ARHGAP24: variants seen among roughly 807,000 people sequenced by gnomAD.
ARHGAP24 encodes the protein rho GTPase-activating protein 24.
Under a neutral mutation model 76.4 loss-of-function variants are expected in ARHGAP24, and 50 were observed. That is an observed-to-expected ratio of 0.65 (90% CI 0.52 to 0.83). The LOEUF is 0.83. Ranked by LOEUF, ARHGAP24 falls within the 40% of genes least tolerant of loss-of-function variation. The probability of loss-of-function intolerance (pLI) is 0.00; values close to 1 mark genes in which losing one functional copy is unlikely to be tolerated. For synonymous variants in ARHGAP24, 345 were observed against 323.3 expected, an observed-to-expected ratio of 1.07 and a Z score of -0.72; for missense variants, 930 against 914.2, an observed-to-expected ratio of 1.02 and a Z score of -0.22.
At chr4:85,532,871 T>C (rs906066133) in intron 1 of ARHGAP24, among the ~76,000 whole-genome samples, 1 of 151,828 alleles carries the variant, frequency 6.6e-6, no homozygotes, top group African/African-American at 2.4e-5. Context: ...GGAAAGCTTC[T>C]GAGTTCCTTA....
intron 3 of ARHGAP24, among the ~76,000 whole-genome samples, chr4:85,831,805 G>C (rs1201334673): frequency 1.3e-5 from 2 of 151,652 alleles, no homozygotes; most frequent in Non-Finnish European, 2.9e-5. Flanking sequence ...GGGAGGCTGA[G>C]GTGTGATAAT....
chr4:85,637,128 C>G (rs1286735737), intron 2 of ARHGAP24, among the ~76,000 whole-genome samples: 1 of 152,054 alleles, frequency 6.6e-6, no homozygotes, highest in Non-Finnish European at 1.5e-5. Flanking sequence ...CCTAGAAGTG[C>G]ATGCATTTTT....
chr4:85,972,279 A>G (rs181352474), intron 6 of ARHGAP24, 111 bp downstream of exon 6: 615 of 1,408,196 alleles, frequency 4.4e-4, no homozygotes, highest in Admixed American at 1.5e-3. Flanking sequence ...ACTCTCCACT[A>G]TCCTTTGAAT....
chr4:85,627,523 G>A (rs1721005200), intron 2 of ARHGAP24, among the ~76,000 whole-genome samples: 1 of 152,196 alleles, frequency 6.6e-6, no homozygotes. Flanking sequence ...AGTGGTCAGG[G>A]AGCCACTTGA....
intron 3 of ARHGAP24, among the ~76,000 whole-genome samples, chr4:85,781,792 G>A (rs1727567313): frequency 6.6e-6 from 1 of 152,054 alleles, no homozygotes; most frequent in Non-Finnish European, 1.5e-5. Context: ...CCAGCACTTT[G>A]GGAGGCCAAG....
intron 3 of ARHGAP24, among the ~76,000 whole-genome samples, chr4:85,753,100 C>T (rs957428469): frequency 6.6e-6 from 1 of 152,102 alleles, no homozygotes; most frequent in African/African-American, 2.4e-5. Flanking sequence ...GATAAGATAT[C>T]TTCTGACACC....
At chr4:85,971,981 A>G (rs1449405312) in intron 5 of ARHGAP24, 55 bp from the exon 6 acceptor site, 1 of 1,613,188 alleles carries the variant, frequency 6.2e-7, no homozygotes, top group Non-Finnish European at 8.5e-7. Context: ...AAAACAATAA[A>G]TAGAATGGTA....
At chr4:85,705,514 T>C (rs2110030028) in intron 2 of ARHGAP24, among the ~76,000 whole-genome samples, 1 of 152,356 alleles carries the variant, frequency 6.6e-6, no homozygotes, top group South Asian at 2.1e-4. Context: ...AGCAACATTT[T>C]AGAACCTTTT....
chr4:85,787,474 A>G (rs1275261300), intron 3 of ARHGAP24, among the ~76,000 whole-genome samples: 2 of 152,258 alleles, frequency 1.3e-5, no homozygotes, highest in South Asian at 2.1e-4. Flanking sequence ...CTTTGCTCCA[A>G]TCCCATTTAT....
intron 3 of ARHGAP24, among the ~76,000 whole-genome samples, chr4:85,730,936 T>G (rs1725374942): frequency 6.6e-6 from 1 of 151,704 alleles, no homozygotes; most frequent in Non-Finnish European, 1.5e-5. Flanking sequence ...TGTCAGGCCC[T>G]GTACTGATAT....
chr4:85,766,985 C>T (rs1726952791), intron 3 of ARHGAP24, among the ~76,000 whole-genome samples: 1 of 152,154 alleles, frequency 6.6e-6, no homozygotes, highest in Admixed American at 6.5e-5. Flanking sequence ...TTTGGATACA[C>T]AGTATTTACC....
rs190881789 is a variant in ARHGAP24, at chr4:85,666,512, G to A, written c.181-55373G>A. Reference sequence around the variant, plus strand: ...TCTCAACTCGTCAAAGTCATTCTCCGTCCAGCTTTATTCCATTGCTGGTGA... The same window carrying A: ...TCTCAACTCGTCAAAGTCATTCTCCATCCAGCTTTATTCCATTGCTGGTGA... On this transcript the variant is annotated intron_variant, in intron 2 of 9. Coordinates refer to ENST00000395184, the MANE Select transcript of ARHGAP24 (RefSeq NM_001025616.3). Among the ~76,000 whole-genome samples the A allele has an allele frequency of 9.7e-4, 148 of 152,208 alleles. 2 individuals are homozygous for A. The highest frequency in any genetic ancestry group is 2.3e-3 in the South Asian group (11 of 4,820).
At chr4:85,717,433 T>C (rs1172530731) in intron 2 of ARHGAP24, among the ~76,000 whole-genome samples, 2 of 152,154 alleles carry the variant, frequency 1.3e-5, no homozygotes, top group Admixed American at 6.6e-5. Context: ...AATCTCCATC[T>C]GCTTTGCGCA....
chr4:85,677,241 C>T (rs1245727389), intron 2 of ARHGAP24, among the ~76,000 whole-genome samples: 1 of 152,154 alleles, frequency 6.6e-6, no homozygotes, highest in Non-Finnish European at 1.5e-5. Flanking sequence ...AGCTTTTAAT[C>T]CTCCATTTAT....
At chr4:85,512,873 G>A (rs1485866230) in intron 1 of ARHGAP24, among the ~76,000 whole-genome samples, 3 of 152,150 alleles carry the variant, frequency 2.0e-5, no homozygotes, top group South Asian at 2.1e-4. Context: ...TGAATTCAAG[G>A]CAAATTAAAC....
At chr4:85,745,417 A>ATATATATAGTAG (rs1725994303) in intron 3 of ARHGAP24, among the ~76,000 whole-genome samples, 1 of 15,566 alleles carries the variant, frequency 6.4e-5, no homozygotes, top group Non-Finnish European at 5.0e-4. Context: ...GTATATATAC[A>ATATATATAGTAG]TATATATAAT....
At chr4:85,789,171 C>G (rs1038404771) in intron 3 of ARHGAP24, among the ~76,000 whole-genome samples, 21 of 150,112 alleles carry the variant, frequency 1.4e-4, no homozygotes, top group African/African-American at 4.7e-4. Flanking sequence ...GAGTTAATTA[C>G]CCTTGGTCAA....
In ARHGAP24 at chr4:85,930,002, T is replaced by C. The variant is rs116271333; in HGVS notation, c.391+6232T>C. ...AAAGTCAAAAGAAAAAGAAAGGAGT[T>C]TGTACCGTAGCGTGGCATTCTCCCT... On this transcript the variant is annotated intron_variant, in intron 4 of 9. Coordinates refer to ENST00000395184, the MANE Select transcript of ARHGAP24 (RefSeq NM_001025616.3). Among the ~76,000 whole-genome samples the C allele has an allele frequency of 4.1e-3, 617 of 152,260 alleles. 7 individuals carry two copies. The highest frequency in any genetic ancestry group is 6.8e-3 in the Admixed American group (104 of 15,300).
chr4:85,622,160 A>G lies in ARHGAP24; in HGVS notation c.180+51439A>G, dbSNP rs370863244. Among the ~76,000 whole-genome samples the G allele has an allele frequency of 1.1e-4, 16 of 151,834 alleles. No individual in the cohort carries two copies. In the East Asian group the frequency reaches 2.9e-3, roughly 28 times the overall value. ...TGTGCACAACATGCAGGTTTGTTAC[A>G]TATGTATATATGGTCCATGTTGGTG... On this transcript the variant is annotated intron_variant, in intron 2 of 9. Coordinates refer to ENST00000395184, the MANE Select transcript of ARHGAP24 (RefSeq NM_001025616.3).
Sources: gnomAD v4.1 joint callset for allele counts (sites outside exome capture counted in the v4.1 genomes callset) on GRCh38, gnomAD v4.1.1 for gene constraint, MANE v1.5 for transcripts, NCBI Gene and HGNC (gene_info 2026-07-23, HGNC 2026-07-21) for gene names.